IL4R: variants seen among roughly 807,000 people sequenced by gnomAD.
The protein encoded by IL4R is interleukin-4 receptor subunit alpha.
Under a neutral mutation model 41.5 loss-of-function variants are expected in IL4R, and 17 were observed. That is an observed-to-expected ratio of 0.41 (90% CI 0.28 to 0.61). The LOEUF is 0.61. Ranked by LOEUF, IL4R falls within the 20% of genes least tolerant of loss-of-function variation. The pLI is 0.31. For missense variants in IL4R, 974 were observed against 1,043.1 expected, an observed-to-expected ratio of 0.93 and a Z score of 0.91; for synonymous variants, 402 against 422.9, an observed-to-expected ratio of 0.95 and a Z score of 0.61.
At chr16:27,358,825 A>G in intron 8 of IL4R, 91 bp from the exon 9 acceptor site, 3 of 929,710 alleles carry the variant, frequency 3.2e-6, no homozygotes, top group South Asian at 1.3e-5. Flanking sequence ...TCTGATGCCA[A>G]ATAAGTATTG....
chr16:27,327,189 C>A (rs1463820771), intron 1 of IL4R, among the ~76,000 whole-genome samples: 2 of 152,142 alleles, frequency 1.3e-5, no homozygotes, highest in African/African-American at 4.8e-5. Flanking sequence ...CCACATGCCA[C>A]CTGTCACAGA....
At chr16:27,328,139 G>A (rs553486465) in intron 1 of IL4R, among the ~76,000 whole-genome samples, 3 of 147,892 alleles carry the variant, frequency 2.0e-5, no homozygotes, top group African/African-American at 5.0e-5. Flanking sequence ...GAACCCACGC[G>A]GAGGTTGCAG....
At chr16:27,356,426 G>A (rs1446365884) in intron 8 of IL4R, among the ~76,000 whole-genome samples, 3 of 152,194 alleles carry the variant, frequency 2.0e-5, no homozygotes, top group East Asian at 3.9e-4. Flanking sequence ...ATCCTACTGG[G>A]GAGACTGAAA....
chr16:27,323,688 C>G (rs1299467147), intron 1 of IL4R, among the ~76,000 whole-genome samples: 1 of 151,620 alleles, frequency 6.6e-6, no homozygotes, highest in Non-Finnish European at 1.5e-5. Context: ...TAGGGTCTCA[C>G]TCTGTTGCCC....
intron 1 of IL4R, among the ~76,000 whole-genome samples, chr16:27,329,653 G>A (rs938473007): frequency 2.0e-5 from 3 of 149,432 alleles, no homozygotes; most frequent in African/African-American, 5.0e-5. Context: ...CTCCAGCTTG[G>A]GGAACAGAGC....
intron 1 of IL4R, among the ~76,000 whole-genome samples, chr16:27,318,941 C>T (rs954820218): frequency 2.6e-5 from 4 of 152,196 alleles, no homozygotes; most frequent in South Asian, 2.1e-4. Flanking sequence ...AGGTGCTTAA[C>T]GCTTGCTTAG....
chr16:27,355,350 A>G, intron 7 of IL4R: 1 of 302,652 alleles, frequency 3.3e-6, no homozygotes, highest in South Asian at 2.8e-5. Flanking sequence ...AATGATGTGG[A>G]CAGGCCACTC....
intron 1 of IL4R, among the ~76,000 whole-genome samples, chr16:27,324,529 C>T (rs1324836416): frequency 6.6e-6 from 1 of 152,138 alleles, no homozygotes; most frequent in Non-Finnish European, 1.5e-5. Flanking sequence ...TGTGAGCTGG[C>T]CTTGCAGTAG....
intron 2 of IL4R, among the ~76,000 whole-genome samples, chr16:27,332,836 T>G (rs1263733974): frequency 6.6e-6 from 1 of 152,078 alleles, no homozygotes; most frequent in Non-Finnish European, 1.5e-5. Context: ...CTGCTTTTGC[T>G]ACGTCTCACC....
chr16:27,314,708 C>T (rs2141037541), intron 1 of IL4R, among the ~76,000 whole-genome samples: 1 of 152,286 alleles, frequency 6.6e-6, no homozygotes, highest in South Asian at 2.1e-4. Flanking sequence ...CACGCCAGAG[C>T]CAGCTGCTCT....
chr16:27,337,625 C>T (rs1041559499), intron 2 of IL4R, among the ~76,000 whole-genome samples: 1 of 150,562 alleles, frequency 6.6e-6, no homozygotes, highest in Non-Finnish European at 1.5e-5. Flanking sequence ...TGTCGCCCAG[C>T]CTAGAGTGCA....
chr16:27,356,088 T>C (rs1358093837), intron 8 of IL4R, among the ~76,000 whole-genome samples, 181 bp downstream of exon 8: 269 of 134,110 alleles, frequency 2.0e-3, no homozygotes, highest in African/African-American at 8.5e-3. Context: ...TTTTTTCTTT[T>C]TTTTTTTTTT....
chr16:27,322,584 C>T (rs2084845879), intron 1 of IL4R, among the ~76,000 whole-genome samples: 1 of 152,050 alleles, frequency 6.6e-6, no homozygotes, highest in African/African-American at 2.4e-5. Flanking sequence ...GTGGCGTGCA[C>T]CTGTAGTTCC....
At chr16:27,332,884 A>C (rs2085152573) in intron 2 of IL4R, among the ~76,000 whole-genome samples, 1 of 151,876 alleles carries the variant, frequency 6.6e-6, no homozygotes, top group Admixed American at 6.6e-5. Flanking sequence ...TATTTAGTTA[A>C]AAATATTTTT....
Position 27,362,722 on chromosome 16 carries a change from C to T in IL4R, c.1370C>T (p.Pro457Leu). Residue 457 changes from proline to leucine, a missense_variant, in exon 11 of 11, where the codon CCT (proline) becomes CTT (leucine). Transcript: ENST00000395762. ...CCAAGTGCAGGGCCCAAGGAGGCAC[C>T]TCCCTGGGGCAAGGAGCAGCCTCTC... ...EFPSAGPKEA[P>L]PWGKEQPLHL... The T allele has an allele frequency of 6.2e-7, 1 of 1,614,096 alleles. No individual in the cohort carries two copies. Among genetic ancestry groups the T allele is most frequent in the Non-Finnish European group, 8.5e-7 (1 of 1,180,000 alleles).
At chr16:27,353,830 A>G (rs1363808528) in intron 7 of IL4R, among the ~76,000 whole-genome samples, 1 of 152,110 alleles carries the variant, frequency 6.6e-6, no homozygotes, top group African/African-American at 2.4e-5. Flanking sequence ...AGGAGATGCT[A>G]GGTGTGAGAG....
In IL4R at chr16:27,360,998, C is replaced by T. The variant is rs558404961; in HGVS notation, c.899+183C>T. ...GAAACGTGGACTGCTGGCCAAGCCC[C>T]CTGAGTTTCACTGGTGTGTCAGGTA... On this transcript the variant is annotated intron_variant, in intron 10 of 10. Transcript: ENST00000395762. 1.9e-5 allele frequency: 28 copies of T among 1,473,426 alleles called. No homozygotes were observed. In the South Asian group the frequency reaches 2.2e-4, roughly 11 times the overall value. 91.3% of individuals were successfully genotyped at this position (1,473,426 alleles called of 1,614,324 possible). A position where few individuals can be genotyped will look rare whatever the true frequency, so the allele number is the denominator to read the frequency against.
intron 2 of IL4R, among the ~76,000 whole-genome samples, chr16:27,335,122 C>T (rs981587440): frequency 2.6e-5 from 4 of 152,002 alleles, no homozygotes; most frequent in African/African-American, 9.7e-5. Context: ...ATGTATGCAT[C>T]CTTGGCAGGA....
chr16:27,328,775 A>G (rs2085033066), intron 1 of IL4R, among the ~76,000 whole-genome samples: 2 of 152,140 alleles, frequency 1.3e-5, no homozygotes, highest in Non-Finnish European at 1.5e-5. Context: ...AAAAACTAGC[A>G]GTATATTGAG....
Sources: gnomAD v4.1 joint callset for allele counts (sites outside exome capture counted in the v4.1 genomes callset) on GRCh38, gnomAD v4.1.1 for gene constraint, MANE v1.5 for transcripts, NCBI Gene and HGNC (gene_info 2026-07-23, HGNC 2026-07-21) for gene names.